Variants in FOXP1 observed in about 807,000 individuals in gnomAD.
FOXP1 encodes forkhead box protein P1.
In FOXP1, 15 loss-of-function variants were observed where a neutral mutation model predicts 98.2. The ratio of observed to expected loss-of-function variants is 0.15; its 90% confidence interval spans 0.10 to 0.24. The LOEUF (loss-of-function observed/expected upper bound fraction) is 0.24, where lower values mean the gene tolerates loss of function less well. Among genes scored for constraint, FOXP1 ranks in the 10% least tolerant of loss-of-function variants. The probability of loss-of-function intolerance (pLI) is 1.00; values close to 1 mark genes in which losing one functional copy is unlikely to be tolerated. For missense variants in FOXP1, 633 were observed against 848.5 expected, an observed-to-expected ratio of 0.75 and a Z score of 3.15; for synonymous variants, 371 against 314.5, an observed-to-expected ratio of 1.18 and a Z score of -1.90.
At chr3:71,376,504 G>A (rs1470545835) in intron 3 of FOXP1, among the ~76,000 whole-genome samples, 4 of 152,142 alleles carry the variant, frequency 2.6e-5, no homozygotes, top group African/African-American at 4.8e-5. Context: ...AGGAATCACC[G>A]AAGATGAGAA....
intron 2 of FOXP1, among the ~76,000 whole-genome samples, chr3:71,527,698 G>A (rs1307389358): frequency 6.6e-6 from 1 of 151,976 alleles, no homozygotes; most frequent in South Asian, 2.1e-4. Flanking sequence ...TGTTTCCCCC[G>A]ACAATCTGTA....
chr3:71,374,683 G>T (rs1488599831), intron 3 of FOXP1, among the ~76,000 whole-genome samples: 1 of 152,184 alleles, frequency 6.6e-6, no homozygotes, highest in Non-Finnish European at 1.5e-5. Context: ...GCAAAAAGGT[G>T]AGAAATAATT....
At chr3:71,436,382 AC>A (rs1344385344) in intron 3 of FOXP1, among the ~76,000 whole-genome samples, 4 of 152,142 alleles carry the variant, frequency 2.6e-5, no homozygotes, top group Non-Finnish European at 4.4e-5. Flanking sequence ...GCATGGAACA[AC>A]TGTGCCGCCG....
At chr3:71,409,107 G>A (rs1260533353) in intron 3 of FOXP1, among the ~76,000 whole-genome samples, 2 of 152,152 alleles carry the variant, frequency 1.3e-5, no homozygotes, top group Non-Finnish European at 2.9e-5. Context: ...CTTTGCACTT[G>A]CTGTTCTCAT....
At position 71,392,911 on chromosome 3, in the gene FOXP1, G is replaced by A. The variant is rs577384585; in HGVS notation, c.-167-33667C>T. The stretch of plus-strand genomic sequence containing the variant: ...AAAGTATCTTCACATTTTACAAAAA[G>A]AACAAATGAAAAAAGTGAGAAAATT... On this transcript the variant is annotated intron_variant, in intron 3 of 20. Coordinates refer to ENST00000649528, the MANE Select transcript of FOXP1 (RefSeq NM_001349338.3). Among the ~76,000 whole-genome samples the A allele has an allele frequency of 2.0e-5, 3 of 152,204 alleles. No homozygotes were observed. In the South Asian group the frequency reaches 6.2e-4, roughly 32 times the overall value.
At chr3:71,134,131 TAA>T (rs1285021071) in intron 6 of FOXP1, among the ~76,000 whole-genome samples, 1 of 152,228 alleles carries the variant, frequency 6.6e-6, no homozygotes, top group Non-Finnish European at 1.5e-5. Context: ...GACATTTGTC[TAA>T]AGGCTTTCAG....
chr3:71,397,841 C>A (rs1322940317), intron 3 of FOXP1, among the ~76,000 whole-genome samples: 2 of 152,176 alleles, frequency 1.3e-5, no homozygotes, highest in African/African-American at 4.8e-5. Flanking sequence ...TTCCAGGTCC[C>A]AAGCTGTACA....
chr3:70,959,438 T>C (rs1357926049), intron 20 of FOXP1, 47 bp from the exon 21 acceptor site: 5 of 1,612,088 alleles, frequency 3.1e-6, no homozygotes, highest in African/African-American at 1.3e-5. Context: ...CCCAGCCCAT[T>C]GCAGCTCAGG....
At chr3:71,441,699 C>T (rs2085958805) in intron 3 of FOXP1, among the ~76,000 whole-genome samples, 1 of 152,160 alleles carries the variant, frequency 6.6e-6, no homozygotes, top group African/African-American at 2.4e-5. Flanking sequence ...CTTCGTAAAC[C>T]CTCAAGTTCT....
chr3:71,045,436 T>G (rs1041471455), intron 10 of FOXP1, among the ~76,000 whole-genome samples: 3 of 152,118 alleles, frequency 2.0e-5, no homozygotes, highest in African/African-American at 7.2e-5. Flanking sequence ...GGAGCTCAAG[T>G]CCGGTAGGTG....
intron 5 of FOXP1, among the ~76,000 whole-genome samples, chr3:71,241,175 A>G (rs1199869285): frequency 6.6e-6 from 1 of 151,770 alleles, no homozygotes; most frequent in Admixed American, 6.6e-5. Flanking sequence ...CCACCATTGC[A>G]CTCTAGCCCA....
At chr3:71,201,208 A>C (rs2063651258) in intron 5 of FOXP1, among the ~76,000 whole-genome samples, 1 of 152,232 alleles carries the variant, frequency 6.6e-6, no homozygotes, top group African/African-American at 2.4e-5. Context: ...ATCTTCCCTA[A>C]GATATAAGAA....
chr3:70,976,817 G>A (rs1575796007), intron 17 of FOXP1, 124 bp downstream of exon 17: 2 of 718,816 alleles, frequency 2.8e-6, no homozygotes, highest in Middle Eastern at 4.7e-4. Context: ...CCTAGAGATT[G>A]GACACTTTAA....
In FOXP1 at chr3:71,250,509, T is replaced by C. The variant is rs80267872; in HGVS notation, c.-12+49311A>G. On this transcript the variant is annotated intron_variant, in intron 5 of 20. Coordinates refer to ENST00000649528, the MANE Select transcript of FOXP1 (RefSeq NM_001349338.3). ...GACTGTGCAGTTTTAGAGGGGGTCA[T>C]AGAATTTCCATATTCATGACAATCG... 4.7e-3 allele frequency among the ~76,000 whole-genome samples: 717 copies of C among 152,358 alleles called. 7 individuals carry two copies. The highest frequency in any genetic ancestry group is 0.016 in the African/African-American group (665 of 41,584).
At chr3:71,135,433 C>T (rs2059778053) in intron 6 of FOXP1, among the ~76,000 whole-genome samples, 1 of 151,968 alleles carries the variant, frequency 6.6e-6, no homozygotes, top group Middle Eastern at 3.4e-3. Flanking sequence ...GTAAACAGGC[C>T]CCTACCCCCT....
At chr3:71,011,132 C>G (rs535889978) in intron 12 of FOXP1, among the ~76,000 whole-genome samples, 1 of 152,244 alleles carries the variant, frequency 6.6e-6, no homozygotes, top group African/African-American at 2.4e-5. Context: ...TATGACCAGT[C>G]AATGCGTAAC....
Position 71,495,533 on chromosome 3 carries a change from C to T in FOXP1, c.-297-1978G>A, listed in dbSNP as rs571436595. Among the ~76,000 whole-genome samples the T allele has an allele frequency of 1.3e-4, 20 of 152,298 alleles. No individual in the cohort carries two copies. The South Asian group carries it at 3.3e-3, about 25-fold the overall frequency. On this transcript the variant is annotated intron_variant, in intron 2 of 20. Coordinates refer to ENST00000649528, the MANE Select transcript of FOXP1 (RefSeq NM_001349338.3). ...GAAAGAAGTAACTTTTCGGTACTCT[C>T]TAAAAATATAATTGCCATTTGTTGA...
At chr3:70,977,807 G>C (rs1214947508) in intron 15 of FOXP1, 21 bp downstream of exon 15, 4 of 1,612,994 alleles carry the variant, frequency 2.5e-6, no homozygotes, top group African/African-American at 1.3e-5. Context: ...CTCTACGTGA[G>C]GCAAAAGGTG....
intron 11 of FOXP1, among the ~76,000 whole-genome samples, chr3:71,021,687 T>C (rs929681376): frequency 1.3e-5 from 2 of 152,210 alleles, no homozygotes; most frequent in Non-Finnish European, 2.9e-5. Context: ...TCCTTGCCAA[T>C]ACTTGTTACG....
Sources: gnomAD v4.1 joint callset for allele counts (sites outside exome capture counted in the v4.1 genomes callset) on GRCh38, gnomAD v4.1.1 for gene constraint, MANE v1.5 for transcripts, NCBI Gene and HGNC (gene_info 2026-07-23, HGNC 2026-07-21) for gene names.